SMG6: variants seen among roughly 807,000 people sequenced by gnomAD.
SMG6 encodes SMG6 nonsense mediated mRNA decay factor.
SMG6 carries 66 observed loss-of-function variants against 142.2 expected under a neutral mutation model. That is an observed-to-expected ratio of 0.46 (90% CI 0.38 to 0.57). The LOEUF is 0.57. SMG6 is among the 20% of genes least tolerant of loss of function. SMG6 has a pLI of 0.00. For missense variants in SMG6, 1,793 were observed against 1,832.0 expected, an observed-to-expected ratio of 0.98 and a Z score of 0.39; for synonymous variants, 779 against 702.4, an observed-to-expected ratio of 1.11 and a Z score of -1.72.
intron 13 of SMG6, among the ~76,000 whole-genome samples, chr17:2,104,705 T>G (rs76067175): frequency 6.6e-6 from 1 of 152,020 alleles, no homozygotes; most frequent in Non-Finnish European, 1.5e-5. Flanking sequence ...TTACTAGGAA[T>G]TATGTTATTT....
At chr17:2,123,885 A>G (rs907621800) in intron 13 of SMG6, among the ~76,000 whole-genome samples, 3 of 152,204 alleles carry the variant, frequency 2.0e-5, no homozygotes, top group Non-Finnish European at 2.9e-5. Flanking sequence ...CTTCCTGAAA[A>G]CAGAGCAGGA....
intron 10 of SMG6, among the ~76,000 whole-genome samples, chr17:2,191,092 A>G (rs1005176517): frequency 1.3e-5 from 2 of 152,180 alleles, no homozygotes; most frequent in African/African-American, 2.4e-5. Flanking sequence ...ACACAGTTAC[A>G]AATAAAACAT....
At chr17:2,164,805 C>T (rs994120103) in intron 13 of SMG6, among the ~76,000 whole-genome samples, 4 of 151,968 alleles carry the variant, frequency 2.6e-5, no homozygotes, top group South Asian at 2.1e-4. Flanking sequence ...GGCGTGGTGA[C>T]GCGTGCCTGT....
At chr17:2,270,473 T>C (rs2074521303) in intron 8 of SMG6, among the ~76,000 whole-genome samples, 1 of 152,036 alleles carries the variant, frequency 6.6e-6, no homozygotes, top group African/African-American at 2.4e-5. Context: ...CCAGGCATGG[T>C]GGCACATGCC....
chr17:2,091,610 T>A (rs898838385), intron 13 of SMG6, among the ~76,000 whole-genome samples: 3 of 151,994 alleles, frequency 2.0e-5, no homozygotes, highest in Non-Finnish European at 4.4e-5. Flanking sequence ...TCCCTACCCC[T>A]GCTATAGCTG....
At chr17:2,112,104 T>A (rs910503942) in intron 13 of SMG6, among the ~76,000 whole-genome samples, 1 of 152,016 alleles carries the variant, frequency 6.6e-6, no homozygotes, top group African/African-American at 2.4e-5. Flanking sequence ...TCCGTACTGG[T>A]AGGTATAGTC....
At chr17:2,084,004 A>G (rs2068490136) in intron 14 of SMG6, among the ~76,000 whole-genome samples, 1 of 152,208 alleles carries the variant, frequency 6.6e-6, no homozygotes, top group African/African-American at 2.4e-5. Context: ...GAACGAGAAA[A>G]AAAAGTGTGG....
intron 10 of SMG6, among the ~76,000 whole-genome samples, chr17:2,221,001 T>C (rs1180543937): frequency 1.3e-5 from 2 of 152,126 alleles, no homozygotes; most frequent in Non-Finnish European, 2.9e-5. Flanking sequence ...AAATATGATA[T>C]ATGAGTAGGG....
At chr17:2,131,342 C>G (rs1391762801) in intron 13 of SMG6, among the ~76,000 whole-genome samples, 1 of 151,222 alleles carries the variant, frequency 6.6e-6, no homozygotes, top group Non-Finnish European at 1.5e-5. Context: ...GTCACCCAGG[C>G]TAGAGTGCAG....
Position 2,303,715 on chromosome 17 carries a change from C to T in SMG6, c.6G>A (p.Ala2=), listed in dbSNP as rs1311062045. 2 of 1,492,368 alleles carry T rather than the reference C, an allele frequency of 1.3e-6. No individual in the cohort carries two copies. Among genetic ancestry groups the T allele is most frequent in the Non-Finnish European group, 1.8e-6 (2 of 1,127,424 alleles). 92.4% of individuals were successfully genotyped at this position (1,492,368 alleles called of 1,614,324 possible). A position where few individuals can be genotyped will look rare whatever the true frequency, so the allele number is the denominator to read the frequency against. M[A]EGLERVRISA... ...AGATCCGCACACGCTCCAGCCCTTC[C>T]GCCATCTTCGCGGCTGCTGCTACAG... is the stretch of plus-strand genomic sequence containing the variant. The change falls in exon 1 of 19, where the codon GCG becomes GCA. Residue 2 remains alanine, a synonymous_variant. Transcript: ENST00000263073.
intron 13 of SMG6, among the ~76,000 whole-genome samples, chr17:2,164,731 G>A (rs947119009): frequency 7.2e-5 from 11 of 152,024 alleles, no homozygotes; most frequent in Non-Finnish European, 1.2e-4. Flanking sequence ...GAGGTCAGGC[G>A]TTTGAGACCA....
chr17:2,097,302 G>C (rs1023877193), intron 13 of SMG6, among the ~76,000 whole-genome samples: 1 of 151,752 alleles, frequency 6.6e-6, no homozygotes, highest in South Asian at 2.1e-4. Context: ...CCACAGGTGC[G>C]AGCCACCACA....
intron 16 of SMG6, 136 bp from the exon 17 acceptor site, chr17:2,065,815 C>A: frequency 1.4e-6 from 1 of 738,180 alleles, no homozygotes; most frequent in Non-Finnish European, 2.2e-6. Context: ...TCCAATGAAA[C>A]TAGGGCCGGA....
chr17:2,156,956 A>G (rs993472311), intron 13 of SMG6, among the ~76,000 whole-genome samples: 1 of 152,132 alleles, frequency 6.6e-6, no homozygotes, highest in African/African-American at 2.4e-5. Context: ...GTGTGTCTCC[A>G]TTCTTCTAGT....
At chr17:2,165,799 G>C (rs748283273) in intron 13 of SMG6, among the ~76,000 whole-genome samples, 2 of 152,194 alleles carry the variant, frequency 1.3e-5, no homozygotes, top group Non-Finnish European at 2.9e-5. Context: ...CAGCTACTCA[G>C]GAGGCTGAGG....
chr17:2,225,159 A>C (rs2073279472), intron 10 of SMG6, among the ~76,000 whole-genome samples: 1 of 152,130 alleles, frequency 6.6e-6, no homozygotes, highest in African/African-American at 2.4e-5. Context: ...TCTGAAATGC[A>C]AAAGTGAATT....
At chr17:2,210,259 A>C (rs1463484579) in intron 10 of SMG6, among the ~76,000 whole-genome samples, 1 of 151,370 alleles carries the variant, frequency 6.6e-6, no homozygotes. Flanking sequence ...CAAGTGAGGG[A>C]GAGGATGAAC....
chr17:2,089,209 TA>T (rs1288479138), intron 13 of SMG6, among the ~76,000 whole-genome samples: 2 of 152,168 alleles, frequency 1.3e-5, no homozygotes, highest in Non-Finnish European at 2.9e-5. Context: ...CCAGAGAATG[TA>T]AGTGGCATGT....
chr17:2,303,114 G>C (rs559152522), intron 1 of SMG6: 3 of 985,336 alleles, frequency 3.0e-6, no homozygotes, highest in Non-Finnish European at 2.4e-6. Flanking sequence ...CGAGTAGTCT[G>C]AGGTCCCGGA....
Sources: gnomAD v4.1 joint callset for allele counts (sites outside exome capture counted in the v4.1 genomes callset) on GRCh38, gnomAD v4.1.1 for gene constraint, MANE v1.5 for transcripts, NCBI Gene and HGNC (gene_info 2026-07-23, HGNC 2026-07-21) for gene names.